The following MINAR1 variants were observed in gnomAD, a reference collection of about 807,000 sequenced individuals.
MINAR1 encodes membrane integral NOTCH2 associated receptor 1.
MINAR1 carries 40 observed loss-of-function variants against 65.1 expected under a neutral mutation model. That is an observed-to-expected ratio of 0.61 (90% CI 0.48 to 0.80). The LOEUF is 0.80. Among genes scored for constraint, MINAR1 ranks in the 30% least tolerant of loss-of-function variants. MINAR1 has a pLI of 0.00. For synonymous variants in MINAR1, 482 were observed against 449.1 expected, an observed-to-expected ratio of 1.07 and a Z score of -0.93; for missense variants, 1,128 against 1,148.0, an observed-to-expected ratio of 0.98 and a Z score of 0.25.
intron 3 of MINAR1, among the ~76,000 whole-genome samples, chr15:79,464,182 T>C (rs1282321538): frequency 3.9e-5 from 6 of 152,238 alleles, no homozygotes. Context: ...CATCCAGGAC[T>C]CTTTCGCTGT....
chr15:79,459,845 T>C (rs1895584122), intron 2 of MINAR1, among the ~76,000 whole-genome samples: 1 of 152,170 alleles, frequency 6.6e-6, no homozygotes, highest in Admixed American at 6.5e-5. Flanking sequence ...TGATATATGC[T>C]GCCATGCTGG....
At position 79,457,620 on chromosome 15, in the gene MINAR1, C is replaced by T. The variant is rs777262791; in HGVS notation, c.1473C>T (p.Cys491=). The change falls in exon 2 of 4, where the codon TGC becomes TGT. Residue 491 remains cysteine (C), a synonymous_variant. Coordinates refer to ENST00000305428, the MANE Select transcript of MINAR1 (RefSeq NM_015206.3). ...AGCCCAAGAAATGCAGAGACCTGTG[C>T]ACCTCTGGTCAGGGCAAGTACAGTG... ...VLEPKKCRDL[C]TSGQGKYSDR... is the part of the protein sequence containing the mutation. 1.2e-6 allele frequency: 2 copies of T among 1,614,204 alleles called. No homozygotes were observed. The highest frequency in any genetic ancestry group is 3.3e-5 in the Admixed American group (2 of 60,032).
At chr15:79,463,440 GC>G in intron 3 of MINAR1, 119 bp downstream of exon 3, 2 of 1,174,638 alleles carry the variant, frequency 1.7e-6, no homozygotes, top group Non-Finnish European at 1.2e-6. Flanking sequence ...AACTCCCTGG[GC>G]CCCCAACATG....
Position 79,468,157 on chromosome 15 carries a change from G to GTAT in MINAR1, c.2554-28_2554-26dup. 3 of 1,579,566 alleles carry GTAT rather than the reference G, an allele frequency of 1.9e-6. No homozygotes were observed. In the Admixed American group the frequency reaches 5.0e-5, roughly 27 times the overall value. On this transcript the variant is annotated intron_variant, in intron 3 of 3. Transcript: ENST00000305428. ...TTTGACCTGATTTCAAGTATTCACT[G>GTAT]TATTTCTAACATCTTCTCTTCGCTT...
At chr15:79,462,522 T>TC (rs2141301872) in intron 2 of MINAR1, among the ~76,000 whole-genome samples, 1 of 152,260 alleles carries the variant, frequency 6.6e-6, no homozygotes, top group East Asian at 1.9e-4. Flanking sequence ...CACTAGAGGC[T>TC]CCCAACATGT....
At chr15:79,421,194 A>G in the MINAR1 span, 2 of 152,238 alleles carry the variant, frequency 1.3e-5, no homozygotes, top group Admixed American at 1.3e-4. Flanking sequence ...TTATTATTAA[A>G]TTCAACATAC....
Position 79,458,419 on chromosome 15 carries a change from A to T in MINAR1, c.2272A>T (p.Lys758Ter). 6.2e-7 allele frequency: 1 copy of T among 1,609,870 alleles called. No homozygotes were observed. Among genetic ancestry groups the T allele is most frequent in the Non-Finnish European group, 8.5e-7 (1 of 1,178,184 alleles). Residue 758 changes from lysine (K) to a stop codon, truncating the protein, a stop_gained, in exon 2 of 4, where the codon AAA becomes TAA. Coordinates refer to ENST00000305428, the MANE Select transcript of MINAR1 (RefSeq NM_015206.3). LOFTEE classifies it high-confidence loss of function. ...EIKDTGPGDN[K>*]DWHRKSKEAD... ...AAAAGACACAGGCCCAGGAGATAAT[A>T]AAGACTGGCATCGGAAATCTAAAGA...
rs200698792 is a variant in MINAR1 at position 79,452,735 on chromosome 15, G to GGTGT, written c.-50-3359_-50-3356dup. Among the ~76,000 whole-genome samples, 1,079 of 138,918 alleles carry GGTGT rather than the reference G, an allele frequency of 7.8e-3. 20 individuals carry two copies. Among genetic ancestry groups the GGTGT allele is most frequent in the African/African-American group, 0.028 (1,033 of 37,384 alleles). The allele number at this position is 138,918 out of a possible 152,430, so 91.1% of individuals were successfully genotyped here. ...GTGTGGGTGTGGGTGAGTCTGTGTG[G>GGTGT]GTGTGTGGGGGGGGTGTGTGGGTGA... On this transcript the variant is annotated intron_variant, in intron 1 of 3. Transcript: ENST00000305428.
the MINAR1 span, chr15:79,420,684 T>C: frequency 6.6e-6 from 1 of 152,226 alleles, no homozygotes; most frequent in African/African-American, 2.4e-5. Flanking sequence ...CAAACTCACC[T>C]GAAAAGGACT....
At position 79,457,040 on chromosome 15, in the gene MINAR1, C is replaced by G. The variant is rs767111891; in HGVS notation, c.893C>G (p.Pro298Arg). ...AGTCGAAAGGAACCCCACAAGCCAC[C>G]CTTCTTCAACCACAGCTTTGAAATG... is the stretch of plus-strand genomic sequence containing the variant. ...PQSRKEPHKP[P>R]FFNHSFEMPY... is the part of the protein sequence containing the mutation. Residue 298 changes from proline to arginine, a missense_variant, in exon 2 of 4, where the codon CCC becomes CGC. Physicochemically the swap from Pro to Arg is moderately radical, Grantham distance 103. Transcript: ENST00000305428. 81 of 1,613,914 alleles carry G rather than the reference C, an allele frequency of 5.0e-5. No individual in the cohort carries two copies. The Admixed American group carries it at 8.7e-4, about 17-fold the overall frequency.
At chr15:79,440,764 G>T (rs932723358) in intron 1 of MINAR1, among the ~76,000 whole-genome samples, 1 of 151,994 alleles carries the variant, frequency 6.6e-6, no homozygotes, top group African/African-American at 2.4e-5. Context: ...TGACCATCTT[G>T]TTTACAGTTG....
chr15:79,446,298 A>T (rs1895015953), intron 1 of MINAR1, among the ~76,000 whole-genome samples: 1 of 152,128 alleles, frequency 6.6e-6, no homozygotes, highest in African/African-American at 2.4e-5. Flanking sequence ...ATTCATTAAC[A>T]GTTTTATAGA....
chr15:79,451,311 A>T (rs539838481), intron 1 of MINAR1, among the ~76,000 whole-genome samples: 1 of 150,960 alleles, frequency 6.6e-6, no homozygotes, highest in Admixed American at 6.6e-5. Context: ...CTGGTTGAAA[A>T]CTCCTGCGTG....
At chr15:79,451,256 G>T (rs1895188590) in intron 1 of MINAR1, among the ~76,000 whole-genome samples, 1 of 152,180 alleles carries the variant, frequency 6.6e-6, no homozygotes, top group Non-Finnish European at 1.5e-5. Context: ...TAGGGTAGGG[G>T]AGGCCAGGTC....
chr15:79,467,899 G>C (rs768840612), intron 3 of MINAR1, among the ~76,000 whole-genome samples: 1 of 152,026 alleles, frequency 6.6e-6, no homozygotes, highest in Non-Finnish European at 1.5e-5. Context: ...AGTCTTGCTC[G>C]TCTCAGCCCC....
At chr15:79,455,428 C>T (rs907966685) in intron 1 of MINAR1, among the ~76,000 whole-genome samples, 9 of 152,248 alleles carry the variant, frequency 5.9e-5, no homozygotes, top group Middle Eastern at 3.4e-3. Flanking sequence ...GTAAAACTTA[C>T]ACTTTCTAGT....
chr15:79,431,786 T>C (rs1452803312), upstream of MINAR1, among the ~76,000 whole-genome samples: 1 of 152,128 alleles, frequency 6.6e-6, no homozygotes, highest in Non-Finnish European at 1.5e-5. Context: ...CTCCGGGTGG[T>C]GGGCTCCCTC....
intron 1 of MINAR1, among the ~76,000 whole-genome samples, chr15:79,452,713 T>TGG: frequency 1.4e-5 from 1 of 71,478 alleles, no homozygotes; most frequent in East Asian, 9.4e-4. Context: ...GATGAGTGTG[T>TGG]GGGTGTGGGT....
chr15:79,450,891 G>A (rs890300738), intron 1 of MINAR1, among the ~76,000 whole-genome samples: 1 of 152,162 alleles, frequency 6.6e-6, no homozygotes, highest in South Asian at 2.1e-4. Flanking sequence ...AGTGACAGCT[G>A]TTATTTGTTG....
Sources: gnomAD v4.1 joint callset for allele counts (sites outside exome capture counted in the v4.1 genomes callset) on GRCh38, gnomAD v4.1.1 for gene constraint, MANE v1.5 for transcripts, NCBI Gene and HGNC (gene_info 2026-07-23, HGNC 2026-07-21) for gene names.